Variants in WNK1 observed in about 807,000 individuals in gnomAD.
WNK1 encodes the protein serine/threonine-protein kinase WNK1.
In WNK1, 38 loss-of-function variants were observed where a neutral mutation model predicts 222.8. The observed-to-expected ratio is 0.17, with a 90% CI of 0.13 to 0.22. WNK1 has a LOEUF of 0.22. WNK1 is among the 10% of genes least tolerant of loss of function. The probability of loss-of-function intolerance (pLI) is 1.00; values close to 1 mark genes in which losing one functional copy is unlikely to be tolerated. For synonymous variants in WNK1, 1,090 were observed against 1,092.9 expected (o/e 1.00, Z 0.05); for missense variants, 2,348 against 2,918.4 (o/e 0.80, Z 4.50).
chr12:822,087 C>CTTTTTTTTTTT (rs376271992), intron 2 of WNK1, among the ~76,000 whole-genome samples: 1 of 71,430 alleles, frequency 1.4e-5, no homozygotes, highest in African/African-American at 5.4e-5. Context: ...TGTCTTATAC[C>CTTTTTTTTTTT]TTTTTTTTTT....
rs72647368 is a variant in WNK1 at position 753,625 on chromosome 12, G to T, written c.60G>T (p.Pro20=). The part of the protein sequence containing the change: ...SSTPGSLFLS[P]PAPAPKNGSS... Reference sequence around the variant, plus strand: ...CTCCCGGTTCCCTGTTCCTCTCGCCGCCGGCTCCTGCCCCCAAGAATGGCT... The same window carrying T: ...CTCCCGGTTCCCTGTTCCTCTCGCCTCCGGCTCCTGCCCCCAAGAATGGCT... The change falls in exon 1 of 28, where the codon CCG becomes CCT. Residue 20 remains proline, a synonymous_variant. Transcript: ENST00000315939. The surrounding 1 kb of genome is among the most constrained non-coding windows in gnomAD (Gnocchi z 5.2). 65 of 1,612,650 alleles carry T rather than the reference G, an allele frequency of 4.0e-5. No individual in the cohort carries two copies. The African/African-American group carries it at 7.1e-4, about 18-fold the overall frequency.
chr12:878,583 C>G (rs984004132), intron 10 of WNK1, among the ~76,000 whole-genome samples: 1 of 152,042 alleles, frequency 6.6e-6, no homozygotes, highest in Non-Finnish European at 1.5e-5. Flanking sequence ...TTACTGACAG[C>G]AGTGACAATC....
At chr12:842,424 A>G (rs890315690) in intron 4 of WNK1, among the ~76,000 whole-genome samples, 7 of 152,240 alleles carry the variant, frequency 4.6e-5, no homozygotes, top group Non-Finnish European at 7.3e-5. Flanking sequence ...CTCAAATCTC[A>G]GTTGTAATTT....
chr12:870,038 A>C (rs1952008833), intron 8 of WNK1, among the ~76,000 whole-genome samples: 1 of 152,216 alleles, frequency 6.6e-6, no homozygotes, highest in Non-Finnish European at 1.5e-5. Context: ...AAATGTGTAC[A>C]TCTTATAAAA....
chr12:862,495 G>C (rs565308519), intron 8 of WNK1, among the ~76,000 whole-genome samples: 1 of 152,196 alleles, frequency 6.6e-6, no homozygotes, highest in Non-Finnish European at 1.5e-5. Context: ...AGATTAGTCT[G>C]CATTTTTACT....
intron 2 of WNK1, among the ~76,000 whole-genome samples, chr12:822,250 C>T (rs113457703): frequency 6.4e-4 from 97 of 151,944 alleles, no homozygotes; most frequent in South Asian, 1.0e-3. Context: ...CTCACCACCA[C>T]GCCCAGCTAA....
At chr12:890,245 G>T (rs1565593128) in intron 21 of WNK1, among the ~76,000 whole-genome samples, 1 of 151,840 alleles carries the variant, frequency 6.6e-6, no homozygotes, top group Admixed American at 6.5e-5. Flanking sequence ...GAGCCACCAT[G>T]CCTGGCCCTA....
intron 1 of WNK1, among the ~76,000 whole-genome samples, chr12:805,539 A>G (rs560798965): frequency 6.6e-6 from 1 of 152,362 alleles, no homozygotes; most frequent in Non-Finnish European, 1.5e-5. Flanking sequence ...TACTAAAATT[A>G]ATGTTTTTGA....
intron 4 of WNK1, among the ~76,000 whole-genome samples, chr12:842,669 T>C (rs1949716714): frequency 6.6e-6 from 1 of 152,204 alleles, no homozygotes; most frequent in Admixed American, 6.5e-5. Flanking sequence ...AGACCCATCA[T>C]TGTCAATTTG....
chr12:777,410 G>T (rs1434928960), intron 1 of WNK1, among the ~76,000 whole-genome samples: 3 of 151,742 alleles, frequency 2.0e-5, no homozygotes, highest in Non-Finnish European at 4.4e-5. Context: ...TGCCTGCCTC[G>T]GCCTCCCAAA....
intron 26 of WNK1, 60 bp downstream of exon 26, chr12:900,730 A>T: frequency 6.2e-7 from 1 of 1,605,514 alleles, no homozygotes; most frequent in Non-Finnish European, 8.5e-7. Flanking sequence ...CATACCTGGG[A>T]CAAAAGCCTG....
Position 896,401 on chromosome 12 carries a change from A to G in WNK1, c.5914A>G (p.Lys1972Glu). ...KTEDKITDTK[K>E]EGPVASPPFM... ...TGAGGACAAGATCACTGACACAAAG[A>G]AAGAAGGACCAGTGGCATCTCCTCC... The change falls in exon 24 of 28, where the codon AAA becomes GAA. Residue 1972 changes from lysine (K) to glutamate (E), a missense_variant. Physicochemically the swap from Lys to Glu is moderately conservative, Grantham distance 56. Transcript: ENST00000315939. 6 of 1,614,200 alleles carry G rather than the reference A, an allele frequency of 3.7e-6. No individual in the cohort carries two copies. The highest frequency in any genetic ancestry group is 5.1e-6 in the Non-Finnish European group (6 of 1,180,040).
At position 823,566 on chromosome 12, in the gene WNK1, G is replaced by A. The variant is rs148338751; in HGVS notation, c.933-3476G>A. Among the ~76,000 whole-genome samples the A allele has an allele frequency of 6.4e-4, 97 of 152,276 alleles. 1 individual carries two copies. Among genetic ancestry groups the A allele is most frequent in the African/African-American group, 2.2e-3 (92 of 41,574 alleles). ...TGAAATCTGTTAGTGAATCTTCACA[G>A]TATTTTTCAGCACCTCAATTTCTAC... is the stretch of plus-strand genomic sequence containing the variant. On this transcript the variant is annotated intron_variant, in intron 2 of 27. Transcript: ENST00000315939.
Position 897,651 on chromosome 12 carries a change from T to G in WNK1, c.6418T>G (p.Ser2140Ala). 2 of 1,614,206 alleles carry G rather than the reference T, an allele frequency of 1.2e-6. No individual in the cohort carries two copies. ...SKGSKSSRSSSLGNKSPQLSG... is the reference protein window; with the variant it reads ...SKGSKSSRSSALGNKSPQLSG... ...AGGCAGCAAATCTAGTCGAAGCAGT[T>G]CCTTGGGGAATAAAAGCCCCCAGCT... Residue 2140 changes from serine (S) to alanine (A), a missense_variant, in exon 25 of 28, where the codon TCC (serine) becomes GCC (alanine). Coordinates refer to ENST00000315939, the MANE Select transcript of WNK1 (RefSeq NM_018979.4).
chr12:790,323 C>G (rs1944714441), intron 1 of WNK1, among the ~76,000 whole-genome samples: 1 of 152,152 alleles, frequency 6.6e-6, no homozygotes, highest in Admixed American at 6.5e-5. Flanking sequence ...AAGCTGATCT[C>G]AAACTCCTGG....
At chr12:863,751 T>C (rs1951397104) in intron 8 of WNK1, among the ~76,000 whole-genome samples, 1 of 152,232 alleles carries the variant, frequency 6.6e-6, no homozygotes. Context: ...TTATTAAATA[T>C]TGAGAATTTA....
chr12:891,711 G>C (rs1954258966), intron 22 of WNK1, among the ~76,000 whole-genome samples: 1 of 151,174 alleles, frequency 6.6e-6, no homozygotes, highest in African/African-American at 2.4e-5. Flanking sequence ...CTTTTGGGGT[G>C]CCTATGAGGG....
At chr12:773,466 T>G (rs1942769769) in intron 1 of WNK1, among the ~76,000 whole-genome samples, 1 of 152,156 alleles carries the variant, frequency 6.6e-6, no homozygotes, top group Admixed American at 6.5e-5. Context: ...AGGAACTACT[T>G]CCCAATCAGT....
chr12:817,917 A>T (rs1407212683), intron 2 of WNK1, among the ~76,000 whole-genome samples: 1 of 152,140 alleles, frequency 6.6e-6, no homozygotes, highest in African/African-American at 2.4e-5. Context: ...GTGCCACTGC[A>T]CTCTAGCCTG....
Sources: gnomAD v4.1 joint callset for allele counts (sites outside exome capture counted in the v4.1 genomes callset) on GRCh38, gnomAD v4.1.1 for gene constraint, Gnocchi (gnomAD v3.1) non-coding constraint, MANE v1.5 for transcripts, NCBI Gene and HGNC (gene_info 2026-07-23, HGNC 2026-07-21) for gene names.